Variants in PPP4R3A observed in about 807,000 individuals in gnomAD.
PPP4R3A encodes protein phosphatase 4 regulatory subunit 3A.
Under a neutral mutation model 91.7 loss-of-function variants are expected in PPP4R3A, and 15 were observed. The ratio of observed to expected loss-of-function variants is 0.16; its 90% confidence interval spans 0.11 to 0.25. The LOEUF (loss-of-function observed/expected upper bound fraction) is 0.25, where lower values mean the gene tolerates loss of function less well. Among genes scored for constraint, PPP4R3A ranks in the 10% least tolerant of loss-of-function variants. The probability of loss-of-function intolerance (pLI) is 1.00; values close to 1 mark genes in which losing one functional copy is unlikely to be tolerated. For missense variants in PPP4R3A, 623 were observed against 998.4 expected, an observed-to-expected ratio of 0.62 and a Z score of 5.07; for synonymous variants, 377 against 348.7, an observed-to-expected ratio of 1.08 and a Z score of -0.91.
Position 91,509,562 on chromosome 14 carries a change from G to A in PPP4R3A, c.86C>T (p.Ser29Phe). 2 of 1,602,212 alleles carry A rather than the reference G, an allele frequency of 1.2e-6. No individual in the cohort carries two copies. Among genetic ancestry groups the A allele is most frequent in the South Asian group, 1.1e-5 (1 of 90,494 alleles). ...GCCCTTCAGCCGCTCCACGTAGCCAGACGACACATGCCCGGTGCCCCGGTC... is the reference window on the plus strand; with the variant it reads ...GCCCTTCAGCCGCTCCACGTAGCCAAACGACACATGCCCGGTGCCCCGGTC... ...WDDRGTGHVS[S>F]GYVERLKGMS... The change falls in exon 1 of 15, where the codon TCT becomes TTT. Residue 29 changes from serine (S) to phenylalanine (F), a missense_variant. By Grantham distance (155) the Ser-to-Phe change is radical. This residue lies in a region of PPP4R3A where 51 missense variants were observed against 81.8 expected (regional missense o/e 0.62). Transcript: ENST00000554943.
At chr14:91,461,977 T>A in intron 13 of PPP4R3A, 72 bp downstream of exon 13, 1 of 1,420,156 alleles carries the variant, frequency 7.0e-7, no homozygotes. Context: ...AATAATCATT[T>A]TGTCAAGAAA....
At chr14:91,497,537 G>T (rs769399204) in intron 1 of PPP4R3A, among the ~76,000 whole-genome samples, 2 of 152,148 alleles carry the variant, frequency 1.3e-5, no homozygotes, top group Non-Finnish European at 2.9e-5. Flanking sequence ...CTCAAGCTAA[G>T]TGGAATGCAT....
At chr14:91,495,022 G>A (rs1890453877) in intron 1 of PPP4R3A, among the ~76,000 whole-genome samples, 1 of 152,086 alleles carries the variant, frequency 6.6e-6, no homozygotes, top group African/African-American at 2.4e-5. Flanking sequence ...ATCAATTTTG[G>A]AAAAGTTTGG....
chr14:91,501,871 A>ATTTTTTTTTTTTTTTT (rs755484959), intron 1 of PPP4R3A, among the ~76,000 whole-genome samples: 1 of 100,238 alleles, frequency 1.0e-5, no homozygotes, highest in African/African-American at 3.9e-5. Flanking sequence ...AGCCCGGCTA[A>ATTTTTTTTTTTTTTTT]TTTTTTTTTT....
chr14:91,469,291 T>TA (rs1888694906), intron 10 of PPP4R3A, among the ~76,000 whole-genome samples: 1 of 152,186 alleles, frequency 6.6e-6, no homozygotes, highest in African/African-American at 2.4e-5. Flanking sequence ...ATCAATGAAA[T>TA]ATAGTTGTGT....
intron 3 of PPP4R3A, among the ~76,000 whole-genome samples, chr14:91,485,192 A>G (rs1567156291): frequency 6.6e-6 from 1 of 152,256 alleles, no homozygotes; most frequent in East Asian, 1.9e-4. Flanking sequence ...TTGGAAAACT[A>G]CAAAAGTAAA....
chr14:91,468,046 G>C (rs1044324379), intron 10 of PPP4R3A, among the ~76,000 whole-genome samples: 1 of 152,010 alleles, frequency 6.6e-6, no homozygotes, highest in Non-Finnish European at 1.5e-5. Flanking sequence ...GTTCTAAAAA[G>C]CTTGTTCCTA....
intron 14 of PPP4R3A, 99 bp downstream of exon 14, chr14:91,461,282 G>C: frequency 1.9e-6 from 2 of 1,072,976 alleles, no homozygotes; most frequent in South Asian, 2.9e-5. Context: ...TGTTAAATCA[G>C]TTCTAGGTGG....
Position 91,462,238 on chromosome 14 carries a change from T to C in PPP4R3A, c.1975A>G (p.Met659Val). ...ERQDNPKLDS[M>V]RSILRNHRYR... is the part of the protein sequence containing the mutation. ...CTGTGATTCCTCAAAATGGAACGCATACTATGAGTAGGGAAGAAAGAGTAA... is the reference window on the plus strand; with the variant it reads ...CTGTGATTCCTCAAAATGGAACGCACACTATGAGTAGGGAAGAAAGAGTAA... Residue 659 changes from methionine (M) to valine (V), a missense_variant and splice_region_variant, in exon 13 of 15, where the codon ATG becomes GTG. Around this residue, in one of 5 missense-constraint regions of PPP4R3A, gnomAD observed 201 missense variants for 229.9 expected, o/e 0.87. Coordinates refer to ENST00000554943, the MANE Select transcript of PPP4R3A (RefSeq NM_001366432.2). The C allele has an allele frequency of 6.3e-7, 1 of 1,580,720 alleles. No homozygotes were observed.
In PPP4R3A at chr14:91,475,946, C is replaced by T; in HGVS notation, c.1131G>A (p.Val377=). The change falls in exon 7 of 15, where the codon GTG becomes GTA. Residue 377 remains valine, a synonymous_variant. Transcript: ENST00000554943. The stretch of plus-strand genomic sequence containing the variant: ...AGAATATATCAGTAGCAGCACTTCG[C>T]ACCTGTGTATCATCCATGCCCTGCA... ...EVILGMDDTQ[V]RSAATDIFSY... 1.3e-6 allele frequency: 2 copies of T among 1,598,510 alleles called. No homozygotes were observed. The highest frequency in any genetic ancestry group is 8.5e-7 in the Non-Finnish European group (1 of 1,175,788).
chr14:91,480,459 T>A (rs1332109517), intron 4 of PPP4R3A, among the ~76,000 whole-genome samples: 3 of 152,188 alleles, frequency 2.0e-5, no homozygotes, highest in Non-Finnish European at 4.4e-5. Context: ...TAGGGATACA[T>A]GCAGTTATAA....
intron 10 of PPP4R3A, chr14:91,466,276 C>A (rs1888464569): frequency 2.0e-6 from 2 of 985,788 alleles, no homozygotes; most frequent in Non-Finnish European, 2.4e-6. Flanking sequence ...GCAGTCACAT[C>A]GTCTTCGGTT....
rs1201367111 is a variant in PPP4R3A, at chr14:91,509,707, G to A, written c.-60C>T. On this transcript the variant is annotated 5_prime_UTR_variant, in exon 1 of 15. Coordinates refer to ENST00000554943, the MANE Select transcript of PPP4R3A (RefSeq NM_001366432.2). Reference sequence around the variant, plus strand: ...AGTAGACGCCCAGGAAAGGGGCCCTGGAGAGGCGAGGGGCGAGGCGTGAGG... The same window carrying A: ...AGTAGACGCCCAGGAAAGGGGCCCTAGAGAGGCGAGGGGCGAGGCGTGAGG... 3 of 1,551,360 alleles carry A rather than the reference G, an allele frequency of 1.9e-6. No homozygotes were observed. Among genetic ancestry groups the A allele is most frequent in the Non-Finnish European group, 2.6e-6 (3 of 1,156,756 alleles).
chr14:91,500,839 C>G (rs948390203), intron 1 of PPP4R3A, among the ~76,000 whole-genome samples: 1 of 152,098 alleles, frequency 6.6e-6, no homozygotes, highest in Non-Finnish European at 1.5e-5. Context: ...TCAAGACCAG[C>G]CCGGGCAACA....
At chr14:91,491,199 G>A (rs1052023780) in intron 1 of PPP4R3A, among the ~76,000 whole-genome samples, 3 of 151,824 alleles carry the variant, frequency 2.0e-5, no homozygotes, top group Non-Finnish European at 2.9e-5. Flanking sequence ...GAGCCACTGC[G>A]CCTGGCCTCA....
intron 3 of PPP4R3A, among the ~76,000 whole-genome samples, chr14:91,485,250 G>A (rs1338503616): frequency 6.6e-6 from 1 of 152,226 alleles, no homozygotes; most frequent in South Asian, 2.1e-4. Context: ...GGGACTGAAT[G>A]GATAAAAGCG....
chr14:91,490,690 A>C, intron 2 of PPP4R3A, 57 bp downstream of exon 2: 1 of 1,380,862 alleles, frequency 7.2e-7, no homozygotes, highest in Non-Finnish European at 1.0e-6. Flanking sequence ...CAGATAATAA[A>C]CTTTCATTTA....
rs991368257 is a variant in PPP4R3A, at chr14:91,482,327, T to G, written c.298-134A>C. 132 of 960,634 alleles carry G rather than the reference T, an allele frequency of 1.4e-4. 1 individual carries two copies. Among genetic ancestry groups the G allele is most frequent in the Non-Finnish European group, 7.7e-5 (52 of 679,304 alleles). 59.5% of individuals were successfully genotyped at this position (960,634 alleles called of 1,614,324 possible). A position where few individuals can be genotyped will look rare whatever the true frequency, so the allele number is the denominator to read the frequency against. On this transcript the variant is annotated intron_variant, in intron 3 of 14. Coordinates refer to ENST00000554943, the MANE Select transcript of PPP4R3A (RefSeq NM_001366432.2). ...ATTTTCAAGACAAAACTGCCTACTTTTCTACATTACATTTCTCCAAATATG... is the reference window on the plus strand; with the variant it reads ...ATTTTCAAGACAAAACTGCCTACTTGTCTACATTACATTTCTCCAAATATG...
chr14:91,507,530 T>C (rs568220957), intron 1 of PPP4R3A, among the ~76,000 whole-genome samples: 28 of 135,360 alleles, frequency 2.1e-4, no homozygotes, highest in African/African-American at 7.6e-4. Context: ...ACTATAGTTA[T>C]ATATACTATA....
Sources: gnomAD v4.1 joint callset for allele counts (sites outside exome capture counted in the v4.1 genomes callset) on GRCh38, gnomAD v4.1.1 for gene constraint, gnomAD v4.1.1 regional missense constraint, MANE v1.5 for transcripts, NCBI Gene and HGNC (gene_info 2026-07-23, HGNC 2026-07-21) for gene names.